The following NOXRED1 variants were observed in gnomAD, a reference collection of about 807,000 sequenced individuals.
The protein encoded by NOXRED1 is NADP-dependent oxidoreductase domain-containing protein 1.
NOXRED1 carries 20 observed loss-of-function variants against 30.4 expected under a neutral mutation model. The observed-to-expected ratio is 0.66, with a 90% CI of 0.46 to 0.96. The LOEUF is 0.96. Ranked by LOEUF, NOXRED1 falls within the 40% of genes least tolerant of loss-of-function variation. The pLI, the probability that NOXRED1 is intolerant of heterozygous loss-of-function variation, is 0.00. For synonymous variants in NOXRED1, 155 were observed against 168.0 expected, an observed-to-expected ratio of 0.92 and a Z score of 0.60; for missense variants, 374 against 428.0, an observed-to-expected ratio of 0.87 and a Z score of 1.11.
At chr14:77,424,949 T>C (rs975584897), upstream of NOXRED1, among the ~76,000 whole-genome samples, 1 of 152,234 alleles carries the variant, frequency 6.6e-6, no homozygotes, top group African/African-American at 2.4e-5. Flanking sequence ...GAGTACCTTG[T>C]TGGTGAGGGG....
intron 1 of NOXRED1, 54 bp from the exon 2 acceptor site, chr14:77,414,181 C>A: frequency 5.6e-6 from 4 of 717,654 alleles, no homozygotes; most frequent in Non-Finnish European, 8.3e-6. Context: ...ACTAGTTTTT[C>A]TTTTTTTTTT....
At chr14:77,417,319 A>G (rs1273912354) in intron 1 of NOXRED1, among the ~76,000 whole-genome samples, 1 of 152,190 alleles carries the variant, frequency 6.6e-6, no homozygotes, top group African/African-American at 2.4e-5. Flanking sequence ...TTGGTGTGTC[A>G]TGTTGTTCAA....
In NOXRED1 at chr14:77,406,626, CACACACACAGAG is replaced by C. The variant is rs747370509; in HGVS notation, c.682+86_682+97del. On this transcript the variant is annotated intron_variant, in intron 4 of 5. Coordinates refer to ENST00000380835, the MANE Select transcript of NOXRED1 (RefSeq NM_001113475.3). ...ACACACACACACACACACACACACA[CACACACACAGAG>C]AGAGAGAGATTGATTTAATAAGATA... 1.1e-3 allele frequency: 440 copies of C among 386,442 alleles called. 1 individual carries two copies. The highest frequency in any genetic ancestry group is 6.7e-3 in the African/African-American group (195 of 29,088). 23.9% of individuals were successfully genotyped at this position (386,442 alleles called of 1,614,324 possible).
At chr14:77,407,996 T>C (rs893369210) in intron 2 of NOXRED1, among the ~76,000 whole-genome samples, 1 of 151,834 alleles carries the variant, frequency 6.6e-6, no homozygotes, top group Non-Finnish European at 1.5e-5. Context: ...GCTGCTCAAG[T>C]AGCTGAGATT....
intron 2 of NOXRED1, among the ~76,000 whole-genome samples, chr14:77,409,191 G>A (rs1181432534): frequency 6.6e-6 from 1 of 152,052 alleles, no homozygotes; most frequent in Non-Finnish European, 1.5e-5. Flanking sequence ...TGATAAACCT[G>A]GAAGAAAGAC....
chr14:77,408,423 A>C (rs1359589940), intron 2 of NOXRED1, among the ~76,000 whole-genome samples: 1 of 151,842 alleles, frequency 6.6e-6, no homozygotes, highest in African/African-American at 2.4e-5. Context: ...CTCAAACCCC[A>C]GGACTCAAGT....
intron 5 of NOXRED1, among the ~76,000 whole-genome samples, chr14:77,403,942 A>C (rs150992764): frequency 2.6e-5 from 4 of 152,326 alleles, no homozygotes; most frequent in Non-Finnish European, 4.4e-5. Flanking sequence ...GACCCTGCTT[A>C]GCTTCTGAGA....
chr14:77,415,341 G>A lies in NOXRED1; in HGVS notation c.156-1214C>T, dbSNP rs191429327. On this transcript the variant is annotated intron_variant, in intron 1 of 5. Transcript: ENST00000380835. ...TCCCAGCACTTTGGGAGGCCAAGGC[G>A]TGTGGATCACTTGAGGTCAAAAGTT... 4.4e-3 allele frequency among the ~76,000 whole-genome samples: 667 copies of A among 152,196 alleles called. 2 individuals are homozygous for A. The highest frequency in any genetic ancestry group is 0.01 in the African/African-American group (434 of 41,520).
chr14:77,412,114 A>AG (rs1413223518), intron 2 of NOXRED1, among the ~76,000 whole-genome samples: 1 of 150,860 alleles, frequency 6.6e-6, no homozygotes, highest in Non-Finnish European at 1.5e-5. Context: ...AAAAAAAAAA[A>AG]AAAAAAAAAA....
intron 5 of NOXRED1, among the ~76,000 whole-genome samples, chr14:77,398,617 A>C (rs368107885): frequency 6.6e-6 from 1 of 152,188 alleles, no homozygotes; most frequent in East Asian, 1.9e-4. Flanking sequence ...TCAAAGACTG[A>C]GACCTACCCG....
intron 5 of NOXRED1, 80 bp downstream of exon 5, chr14:77,405,833 G>A (rs1894442339): frequency 1.2e-6 from 1 of 839,142 alleles, no homozygotes; most frequent in African/African-American, 1.7e-5. Context: ...AAGAGAACAT[G>A]AAAGGATAAA....
At chr14:77,418,888 G>C (rs1450943790) in intron 1 of NOXRED1, among the ~76,000 whole-genome samples, 1 of 151,966 alleles carries the variant, frequency 6.6e-6, no homozygotes, top group Admixed American at 6.6e-5. Context: ...ACCCATCACA[G>C]TATTATGTAT....
At chr14:77,403,345 C>T (rs539655055) in intron 5 of NOXRED1, among the ~76,000 whole-genome samples, 2 of 152,202 alleles carry the variant, frequency 1.3e-5, no homozygotes, top group African/African-American at 2.4e-5. Flanking sequence ...TATAACGAAA[C>T]TCCATATGCC....
rs769674745 is a variant in NOXRED1, at chr14:77,394,739, TGAGAG to T, written c.967_971del (p.Leu323LysfsTer2). 1.9e-6 allele frequency: 3 copies of T among 1,613,306 alleles called. No homozygotes were observed. The South Asian group carries it at 3.3e-5, about 18-fold the overall frequency. On this transcript the variant is annotated frameshift_variant, in exon 6 of 6. Transcript: ENST00000380835. LOFTEE classifies it low-confidence loss of function (END_TRUNC). ...GGTGGTCTTGGAGAACAGGACTACT[TGAGAG>T]ATGCTGGCTAAACGGAGTTTCCTTG... is the stretch of plus-strand genomic sequence containing the variant.
At chr14:77,415,407 T>C (rs1380853366) in intron 1 of NOXRED1, among the ~76,000 whole-genome samples, 1 of 151,878 alleles carries the variant, frequency 6.6e-6, no homozygotes, top group Non-Finnish European at 1.5e-5. Context: ...CCATCTCTAT[T>C]AAAAATATAA....
chr14:77,419,433 T>C (rs1405311403), intron 1 of NOXRED1, among the ~76,000 whole-genome samples: 2 of 147,336 alleles, frequency 1.4e-5, no homozygotes, highest in African/African-American at 4.9e-5. Flanking sequence ...ACAGGTTTTT[T>C]TTTTTCTTTT....
chr14:77,411,989 G>A (rs929091876), intron 2 of NOXRED1, among the ~76,000 whole-genome samples: 1 of 151,644 alleles, frequency 6.6e-6, no homozygotes, highest in Non-Finnish European at 1.5e-5. Flanking sequence ...CAGCTACTCA[G>A]GAGGCTGAGG....
intron 3 of NOXRED1, 81 bp from the exon 4 acceptor site, chr14:77,406,956 C>A: frequency 7.8e-7 from 1 of 1,289,880 alleles, no homozygotes; most frequent in Non-Finnish European, 1.1e-6. Context: ...TACATCCAAC[C>A]CCATCAACAG....
At chr14:77,422,434 T>C (rs1249978402) in intron 1 of NOXRED1, among the ~76,000 whole-genome samples, 1 of 152,170 alleles carries the variant, frequency 6.6e-6, no homozygotes, top group African/African-American at 2.4e-5. Flanking sequence ...TTAGCAACTG[T>C]GGAGGGCAAG....
Sources: gnomAD v4.1 joint callset for allele counts (sites outside exome capture counted in the v4.1 genomes callset) on GRCh38, gnomAD v4.1.1 for gene constraint, MANE v1.5 for transcripts, NCBI Gene and HGNC (gene_info 2026-07-23, HGNC 2026-07-21) for gene names.